Variants in MAK observed in about 807,000 individuals in gnomAD.
The protein encoded by MAK is male germ cell associated kinase, also known as serine/threonine-protein kinase MAK.
Under a neutral mutation model 82.6 loss-of-function variants are expected in MAK, and 65 were observed. The ratio of observed to expected loss-of-function variants is 0.79; its 90% CI spans 0.64 to 0.97. The LOEUF is 0.97. MAK is among the 50% of genes least tolerant of loss of function. The pLI is 0.00. For missense variants in MAK, 703 were observed against 780.2 expected (o/e 0.90, Z 1.18); for synonymous variants, 250 against 274.2 (o/e 0.91, Z 0.87).
intron 6 of MAK, among the ~76,000 whole-genome samples, chr6:10,808,597 G>A (rs1316238905): frequency 6.6e-6 from 1 of 152,090 alleles, no homozygotes; most frequent in Admixed American, 6.6e-5. Flanking sequence ...TTTGTTGAAT[G>A]AATGAATGAG....
At chr6:10,779,736 G>GTGCAA (rs1212190452) in intron 11 of MAK, among the ~76,000 whole-genome samples, 1 of 152,066 alleles carries the variant, frequency 6.6e-6, no homozygotes, top group Non-Finnish European at 1.5e-5. Context: ...CCAGGCTGGA[G>GTGCAA]TGCAATGGCA....
At chr6:10,766,220 C>G (rs1156633782) in intron 14 of MAK, among the ~76,000 whole-genome samples, 1 of 152,218 alleles carries the variant, frequency 6.6e-6, no homozygotes, top group Non-Finnish European at 1.5e-5. Flanking sequence ...CTAGCCCTAG[C>G]TATCCCATAT....
At chr6:10,797,270 CACCTG>C (rs1775644023) in intron 8 of MAK, among the ~76,000 whole-genome samples, 1 of 152,136 alleles carries the variant, frequency 6.6e-6, no homozygotes, top group Non-Finnish European at 1.5e-5. Flanking sequence ...CTAGATCAGT[CACCTG>C]ACTGCTTGCA....
At chr6:10,768,031 A>G (rs944572544) in intron 14 of MAK, among the ~76,000 whole-genome samples, 19 of 152,126 alleles carry the variant, frequency 1.2e-4, no homozygotes, top group Non-Finnish European at 1.8e-4. Context: ...TTCATTTTTT[A>G]CCTTTCCTCC....
rs1773378912 is a variant in MAK, at chr6:10,775,405, T to C, written c.1520A>G (p.His507Arg). ...GGGGAATAACTGGTTGCTCCAAGTG[T>C]GGGGGTTTATTTCCTTTCCACTGGC... ...LIASGKEINP[H>R]TWSNQLFPKS... The change falls in exon 12 of 15, where the codon CAC (histidine) becomes CGC (arginine). Residue 507 changes from histidine to arginine, a missense_variant. Physicochemically the swap from His to Arg is conservative, Grantham distance 29 (BLOSUM62 0). Coordinates refer to ENST00000354489, the MANE Select transcript of MAK (RefSeq NM_001242957.3). 3 of 1,613,964 alleles carry C rather than the reference T, an allele frequency of 1.9e-6. No individual in the cohort carries two copies. The highest frequency in any genetic ancestry group is 1.3e-5 in the African/African-American group (1 of 75,034).
intron 10 of MAK, among the ~76,000 whole-genome samples, chr6:10,787,967 A>G (rs568309668): frequency 2.0e-5 from 3 of 152,254 alleles, no homozygotes; most frequent in Admixed American, 2.0e-4. Context: ...GAAGAAATTT[A>G]CTAATTGTTC....
chr6:10,822,181 C>T (rs751100701), intron 2 of MAK, among the ~76,000 whole-genome samples: 49 of 146,608 alleles, frequency 3.3e-4, no homozygotes, highest in South Asian at 6.5e-4. Context: ...TGGCCGGGTG[C>T]GGTGGCTCAC....
chr6:10,778,275 A>G (rs1773633333), intron 11 of MAK, among the ~76,000 whole-genome samples: 1 of 152,228 alleles, frequency 6.6e-6, no homozygotes, highest in Admixed American at 6.5e-5. Flanking sequence ...AGTTTTAGTC[A>G]TAACTAAGTA....
chr6:10,773,066 T>A lies in MAK; in HGVS notation c.1640A>T (p.Glu547Val). ...IKPIEKLSCN[E>V]TFPEKLEDPQ... Reference sequence around the variant, plus strand: ...GTCCTCTAATTTTTCAGGAAAAGTTTCATTGCATGATAGTTTTTCGATTGG... The same window carrying A: ...GTCCTCTAATTTTTCAGGAAAAGTTACATTGCATGATAGTTTTTCGATTGG... Residue 547 changes from glutamate to valine, a missense_variant, in exon 13 of 15, where the codon GAA becomes GTA. Coordinates refer to ENST00000354489, the MANE Select transcript of MAK (RefSeq NM_001242957.3). 7 of 1,532,290 alleles carry A rather than the reference T, an allele frequency of 4.6e-6. No individual in the cohort carries two copies. The highest frequency in any genetic ancestry group is 6.1e-6 in the Non-Finnish European group (7 of 1,143,896). The allele number at this position is 1,532,290 out of a possible 1,614,324, so 94.9% of individuals were successfully genotyped here.
In MAK at chr6:10,796,071, T is replaced by A; in HGVS notation, c.1070A>T (p.Gln357Leu). Residue 357 changes from glutamine to leucine, a missense_variant, in exon 9 of 15, where the codon CAA (glutamine) becomes CTA (leucine). Coordinates refer to ENST00000354489, the MANE Select transcript of MAK (RefSeq NM_001242957.3). ...CTCCTGACTCTGTTGCTTTGGAGGT[T>A]GCTGGACGCTCAGGTTCTGTGGCGG... ...IQPPQNLSVQ[Q>L]PPKQQSQEKP... is the part of the protein sequence containing the mutation. The A allele has an allele frequency of 1.6e-5, 26 of 1,614,148 alleles. No individual in the cohort carries two copies. Among genetic ancestry groups the A allele is most frequent in the Non-Finnish European group, 2.2e-5 (26 of 1,180,016 alleles).
Position 10,830,709 on chromosome 6 carries a change from T to G in MAK, c.-61A>C. On this transcript the variant is annotated 5_prime_UTR_variant, in exon 2 of 15. Transcript: ENST00000354489. Reference sequence around the variant, plus strand: ...AATGACTTCCTTGTTGAATATAAATTTGAACGCTTCTTAATTTTTATTTGC... The same window carrying G: ...AATGACTTCCTTGTTGAATATAAATGTGAACGCTTCTTAATTTTTATTTGC... The G allele has an allele frequency of 7.7e-7, 1 of 1,299,698 alleles. No homozygotes were observed. Among genetic ancestry groups the G allele is most frequent in the Non-Finnish European group, 1.1e-6 (1 of 893,436 alleles). 80.5% of individuals were successfully genotyped at this position (1,299,698 alleles called of 1,614,324 possible).
chr6:10,829,595 C>G (rs1778621872), intron 2 of MAK, among the ~76,000 whole-genome samples: 1 of 152,080 alleles, frequency 6.6e-6, no homozygotes, highest in Non-Finnish European at 1.5e-5. Flanking sequence ...CGAAAACCAA[C>G]AAATAAATTT....
chr6:10,830,547 C>G lies in MAK; in HGVS notation c.101+1G>C. ...GAAGTTGGCAGTGTCACACACAGTA[C>G]CTTTTGATGGCCACCAGCTCCCCGG... On this transcript the variant is annotated splice_donor_variant, in intron 2 of 14. Coordinates refer to ENST00000354489, the MANE Select transcript of MAK (RefSeq NM_001242957.3). LOFTEE classifies it high-confidence loss of function. The G allele has an allele frequency of 6.2e-7, 1 of 1,612,716 alleles. No homozygotes were observed. Among genetic ancestry groups the G allele is most frequent in the Non-Finnish European group, 8.5e-7 (1 of 1,178,754 alleles).
At chr6:10,806,676 A>G (rs924606970) in intron 6 of MAK, among the ~76,000 whole-genome samples, 1 of 151,536 alleles carries the variant, frequency 6.6e-6, no homozygotes, top group Non-Finnish European at 1.5e-5. Context: ...TATTTTTAGT[A>G]GAGACTGGGT....
chr6:10,770,321 A>T, intron 13 of MAK, 91 bp from the exon 14 acceptor site: 1 of 1,437,080 alleles, frequency 7.0e-7, no homozygotes, highest in Non-Finnish European at 9.7e-7. Flanking sequence ...ACTTCTAAAT[A>T]CTATTTTTCA....
chr6:10,784,682 A>T (rs921103777), intron 10 of MAK, 110 bp from the exon 11 acceptor site: 2 of 714,256 alleles, frequency 2.8e-6, no homozygotes, highest in Non-Finnish European at 4.4e-6. Flanking sequence ...AGTCAATCTG[A>T]CCTCACTTAA....
intron 6 of MAK, among the ~76,000 whole-genome samples, chr6:10,807,953 A>C (rs997757263): frequency 1.3e-5 from 2 of 152,006 alleles, no homozygotes; most frequent in African/African-American, 4.8e-5. Flanking sequence ...CTGTAATCCC[A>C]GCTACTCGGG....
chr6:10,822,347 G>C (rs1289482391), intron 2 of MAK, among the ~76,000 whole-genome samples: 1 of 151,788 alleles, frequency 6.6e-6, no homozygotes, highest in Non-Finnish European at 1.5e-5. Context: ...CCAGCTACTT[G>C]GGAGACGGAG....
At chr6:10,791,927 C>T in intron 9 of MAK, 80 bp from the exon 10 acceptor site, 1 of 1,409,090 alleles carries the variant, frequency 7.1e-7, no homozygotes, top group Non-Finnish European at 1.0e-6. Flanking sequence ...CTATGTAAGA[C>T]ACTAACAGTC....
Sources: gnomAD v4.1 joint callset for allele counts (sites outside exome capture counted in the v4.1 genomes callset) on GRCh38, gnomAD v4.1.1 for gene constraint, MANE v1.5 for transcripts, NCBI Gene and HGNC (gene_info 2026-07-23, HGNC 2026-07-21) for gene names.